ETV7: variants seen among roughly 807,000 people sequenced by gnomAD.
ETV7 encodes transcription factor ETV7.
A neutral mutation model predicts 39.1 loss-of-function variants in ETV7; 43 were observed. That is an observed-to-expected ratio of 1.10 (90% confidence interval 0.86 to 1.42). The LOEUF is 1.42. Ranked by LOEUF, ETV7 falls within the 40% of genes most tolerant of loss-of-function variation. ETV7 has a pLI of 0.00. For synonymous variants in ETV7, 196 were observed against 176.6 expected, an observed-to-expected ratio of 1.11 and a Z score of -0.87; for missense variants, 432 against 442.3, an observed-to-expected ratio of 0.98 and a Z score of 0.21.
rs753415885 is a variant in ETV7, at chr6:36,361,062, C to G, written c.908+5813G>C. Among the ~76,000 whole-genome samples, 7 of 152,322 alleles carry G rather than the reference C, an allele frequency of 4.6e-5. No individual in the cohort carries two copies. In the East Asian group the frequency reaches 1.2e-3, roughly 25 times the overall value. ...ATTCCCCTTTGTTTACTCACCATCACTCCCCATCCCCAGTATATGAGCAAT... is the reference window on the plus strand; with the variant it reads ...ATTCCCCTTTGTTTACTCACCATCAGTCCCCATCCCCAGTATATGAGCAAT... On this transcript the variant is annotated intron_variant, in intron 7 of 7. Coordinates refer to the ETV7 transcript ENST00000339796.
intron 7 of ETV7, among the ~76,000 whole-genome samples, chr6:36,360,343 A>G (rs1195834577): frequency 6.6e-6 from 1 of 152,178 alleles, no homozygotes; most frequent in African/African-American, 2.4e-5. Flanking sequence ...AGAAGAGGAG[A>G]TAAGAAGTTA....
intron 2 of ETV7, among the ~76,000 whole-genome samples, chr6:36,379,585 AAAAAG>A (rs1773551348): frequency 6.6e-6 from 1 of 150,642 alleles, no homozygotes; most frequent in Non-Finnish European, 1.5e-5. Context: ...GAAGAAGAAG[AAAAAG>A]AAGAAGGCCG....
exon 8 of ETV7, chr6:36,354,647 G>T (rs949136596): frequency 2.9e-6 from 2 of 696,724 alleles, no homozygotes; most frequent in Non-Finnish European, 5.2e-6. Context: ...TGGGGTCACT[G>T]GAAACTCCAT....
intron 7 of ETV7, among the ~76,000 whole-genome samples, chr6:36,356,345 A>G (rs1482959842): frequency 6.6e-6 from 1 of 151,890 alleles, no homozygotes; most frequent in South Asian, 2.1e-4. Flanking sequence ...AAAAACAAAA[A>G]AAAACACAAA....
At position 36,369,055 on chromosome 6, in the gene ETV7, C is replaced by T; in HGVS notation, c.681G>A (p.Trp227Ter). The T allele has an allele frequency of 1.2e-6, 2 of 1,614,120 alleles. No individual in the cohort carries two copies. Among genetic ancestry groups the T allele is most frequent in the African/African-American group, 1.3e-5 (1 of 75,018 alleles). ...CAAGGAGCAGCTGATACACGTAATC[C>T]CACAGCAGGCGGCAGTCTGCAATTT... ...DGRIADCRLL[W>*]DYVYQLLLDT... is the part of the protein sequence containing the mutation. Residue 227 changes from tryptophan (W) to a stop codon, truncating the protein, a stop_gained, in exon 6 of 8, where the codon TGG (tryptophan) becomes TGA (stop). Transcript: ENST00000340181. LOFTEE classifies it high-confidence loss of function.
At chr6:36,354,740 T>C (rs1772294926) in intron 7 of ETV7, 2 of 681,862 alleles carry the variant, frequency 2.9e-6, no homozygotes, top group Non-Finnish European at 5.3e-6. Context: ...GCATTGAATA[T>C]GTAGACCAAT....
intron 2 of ETV7, among the ~76,000 whole-genome samples, chr6:36,382,283 G>A (rs1225033406): frequency 1.3e-5 from 2 of 152,146 alleles, no homozygotes; most frequent in Non-Finnish European, 2.9e-5. Flanking sequence ...GCTCTGATGT[G>A]TTGTTCTATT....
At chr6:36,385,091 G>T (rs1773829380) in intron 2 of ETV7, among the ~76,000 whole-genome samples, 1 of 152,042 alleles carries the variant, frequency 6.6e-6, no homozygotes, top group African/African-American at 2.4e-5. Flanking sequence ...CCAGCACTTT[G>T]GGAAGCCGAG....
At chr6:36,374,166 T>C (rs1256051505) in intron 3 of ETV7, among the ~76,000 whole-genome samples, 1 of 152,142 alleles carries the variant, frequency 6.6e-6, no homozygotes, top group African/African-American at 2.4e-5. Flanking sequence ...GAGACCAGCC[T>C]GGGCAACATG....
chr6:36,379,416 T>G (rs1280546275), intron 2 of ETV7, among the ~76,000 whole-genome samples: 1 of 151,640 alleles, frequency 6.6e-6, no homozygotes. Flanking sequence ...CCAGGCATGG[T>G]GGTGCATGCT....
chr6:36,369,133 TAGAA>T (rs1772878559), intron 5 of ETV7, 62 bp from the exon 6 acceptor site: 4 of 1,600,860 alleles, frequency 2.5e-6, no homozygotes, highest in South Asian at 1.1e-5. Flanking sequence ...GGACAGGTGT[TAGAA>T]AGGCACTCTT....
chr6:36,361,100 A>T (rs949202388), intron 7 of ETV7, among the ~76,000 whole-genome samples: 3 of 152,212 alleles, frequency 2.0e-5, no homozygotes, highest in Non-Finnish European at 4.4e-5. Context: ...ACTCAAAAGG[A>T]TTCGGGACTT....
At chr6:36,376,723 C>T (rs532235782) in intron 2 of ETV7, among the ~76,000 whole-genome samples, 1 of 151,100 alleles carries the variant, frequency 6.6e-6, no homozygotes, top group East Asian at 1.9e-4. Context: ...TTGCAGTGAG[C>T]CGAGATCATG....
At chr6:36,373,723 C>G in intron 3 of ETV7, 145 bp from the exon 4 acceptor site, 1 of 906,640 alleles carries the variant, frequency 1.1e-6, no homozygotes. Context: ...GTTCCTGCTG[C>G]AGCTAACAGG....
downstream of ETV7, among the ~76,000 whole-genome samples, chr6:36,363,225 G>A (rs903017919): frequency 1.3e-5 from 2 of 152,254 alleles, no homozygotes; most frequent in African/African-American, 4.8e-5. Flanking sequence ...TTCAGGTGGC[G>A]CATCTGGAGT....
At chr6:36,363,607 G>A (rs940892733), downstream of ETV7, among the ~76,000 whole-genome samples, 8 of 152,254 alleles carry the variant, frequency 5.3e-5, no homozygotes, top group African/African-American at 1.4e-4. Context: ...TGTCAAAGGG[G>A]ACCAGAACGG....
chr6:36,373,737 C>A (rs1310525024), intron 3 of ETV7, among the ~76,000 whole-genome samples, 159 bp from the exon 4 acceptor site: 1 of 152,244 alleles, frequency 6.6e-6, no homozygotes, highest in Non-Finnish European at 1.5e-5. Flanking sequence ...TAACAGGAGG[C>A]TGGGCTGGCA....
chr6:36,357,313 C>T (rs1561896191), intron 7 of ETV7, among the ~76,000 whole-genome samples: 1 of 152,162 alleles, frequency 6.6e-6, no homozygotes, highest in South Asian at 2.1e-4. Context: ...CTGTGGGAGC[C>T]AGCAGGGAGG....
chr6:36,379,090 G>A (rs890081732), intron 2 of ETV7, among the ~76,000 whole-genome samples: 12 of 152,356 alleles, frequency 7.9e-5, no homozygotes, highest in African/African-American at 1.9e-4. Context: ...GAGGCCACAC[G>A]ATGGGCAGAT....
Sources: allele counts gnomAD v4.1 joint callset (sites outside exome capture counted in the v4.1 genomes callset), GRCh38; gene constraint gnomAD v4.1.1; transcripts MANE v1.5; gene names NCBI Gene and HGNC (gene_info 2026-07-23, HGNC 2026-07-21).